The following MAL2 variants were observed in gnomAD, a reference collection of about 807,000 sequenced individuals.
MAL2 encodes mal, T cell differentiation protein 2.
MAL2 carries 17 observed loss-of-function variants against 18.1 expected under a neutral mutation model. The observed-to-expected ratio is 0.94, with a 90% CI of 0.64 to 1.41. The LOEUF (loss-of-function observed/expected upper bound fraction) is 1.41, where lower values mean the gene tolerates loss of function less well. Among genes scored for constraint, MAL2 ranks in the 40% most tolerant of loss-of-function variants. The pLI, the probability that MAL2 is intolerant of heterozygous loss-of-function variation, is 0.00. For synonymous variants in MAL2, 102 were observed against 102.3 expected, an observed-to-expected ratio of 1.00 and a Z score of 0.02; for missense variants, 222 against 231.9, an observed-to-expected ratio of 0.96 and a Z score of 0.28.
Position 119,239,577 on chromosome 8 carries a change from A to T in MAL2, c.304-588A>T, listed in dbSNP as rs904527093. Among the ~76,000 whole-genome samples, 16 of 151,930 alleles carry T rather than the reference A, an allele frequency of 1.1e-4. 1 individual carries two copies. The highest frequency in any genetic ancestry group is 3.4e-4 in the African/African-American group (14 of 41,212). On this transcript the variant is annotated intron_variant, in intron 2 of 3. Coordinates refer to ENST00000614891, the MANE Select transcript of MAL2 (RefSeq NM_052886.3). ...AAATGTGGCACATATACACCATGGAATACTATGCAGCCATAAAAAATGATG... is the reference window on the plus strand; with the variant it reads ...AAATGTGGCACATATACACCATGGATTACTATGCAGCCATAAAAAATGATG...
intron 1 of MAL2, among the ~76,000 whole-genome samples, chr8:119,212,611 G>T (rs926445317): frequency 6.6e-6 from 1 of 152,194 alleles, no homozygotes; most frequent in African/African-American, 2.4e-5. Flanking sequence ...AAGTATTGTG[G>T]AACAGCAGGA....
intron 1 of MAL2, among the ~76,000 whole-genome samples, chr8:119,214,360 A>G (rs1817311428): frequency 6.6e-6 from 1 of 152,228 alleles, no homozygotes; most frequent in African/African-American, 2.4e-5. Flanking sequence ...GAATTTCCTA[A>G]GTGTTCTATT....
chr8:119,234,515 C>G (rs1194728823), intron 2 of MAL2, among the ~76,000 whole-genome samples: 1 of 152,184 alleles, frequency 6.6e-6, no homozygotes, highest in Admixed American at 6.5e-5. Flanking sequence ...AGGGCACAGA[C>G]AAACAAAAAG....
At chr8:119,235,231 G>C (rs201945356) in intron 2 of MAL2, among the ~76,000 whole-genome samples, 44 of 151,974 alleles carry the variant, frequency 2.9e-4, no homozygotes, top group South Asian at 1.7e-3. Context: ...GAAATGAAGC[G>C]AGAAGGGAAG....
intron 2 of MAL2, among the ~76,000 whole-genome samples, chr8:119,238,251 G>C (rs982232262): frequency 2.6e-4 from 39 of 151,044 alleles, no homozygotes; most frequent in African/African-American, 8.7e-4. Context: ...ACCTCTTCAA[G>C]AACTACAAAC....
intron 2 of MAL2, among the ~76,000 whole-genome samples, chr8:119,225,197 G>T (rs1442950444): frequency 1.3e-5 from 2 of 152,206 alleles, no homozygotes; most frequent in East Asian, 3.9e-4. Context: ...GTATACATGT[G>T]CCAGGTTGGT....
rs183175335 is a variant in MAL2, at chr8:119,234,180, G to C, written c.304-5985G>C. ...AGGGGTCAGAGAGTTCCCTTTCCGA[G>C]TCAAAGAAAGGGGTGACGGACGCAC... On this transcript the variant is annotated intron_variant, in intron 2 of 3. Coordinates refer to ENST00000614891, the MANE Select transcript of MAL2 (RefSeq NM_052886.3). Among the ~76,000 whole-genome samples, 507 of 152,322 alleles carry C rather than the reference G, an allele frequency of 3.3e-3. 3 individuals carry two copies. Among genetic ancestry groups the C allele is most frequent in the African/African-American group, 0.011 (465 of 41,570 alleles).
chr8:119,236,304 GT>G (rs1209786238), intron 2 of MAL2, among the ~76,000 whole-genome samples: 3,110 of 145,194 alleles, frequency 0.021, 94 homozygotes, highest in African/African-American at 0.076. Context: ...CAAGTCCTGA[GT>G]GACCTACAAA....
chr8:119,212,187 C>T (rs2129771222), intron 1 of MAL2, among the ~76,000 whole-genome samples: 1 of 152,280 alleles, frequency 6.6e-6, no homozygotes, highest in South Asian at 2.1e-4. Flanking sequence ...TATTTAGGAT[C>T]CCTGCTCTCA....
intron 3 of MAL2, 54 bp from the exon 4 acceptor site, chr8:119,243,361 CTG>C: frequency 7.3e-7 from 1 of 1,366,312 alleles, no homozygotes; most frequent in Non-Finnish European, 1.0e-6. Context: ...CTTTAGGACA[CTG>C]TTTATAAGTC....
chr8:119,229,863 A>G (rs147117306), intron 2 of MAL2, among the ~76,000 whole-genome samples: 1 of 152,284 alleles, frequency 6.6e-6, no homozygotes, highest in East Asian at 1.9e-4. Flanking sequence ...GGCCATAGGT[A>G]CGAACTGAGG....
At chr8:119,211,911 G>C (rs1410696370) in intron 1 of MAL2, among the ~76,000 whole-genome samples, 1 of 152,012 alleles carries the variant, frequency 6.6e-6, no homozygotes, top group Non-Finnish European at 1.5e-5. Flanking sequence ...ACAGTTTTTT[G>C]AGTGAATATT....
intron 1 of MAL2, among the ~76,000 whole-genome samples, chr8:119,219,973 C>A (rs1817437030): frequency 6.6e-6 from 1 of 152,136 alleles, no homozygotes; most frequent in Non-Finnish European, 1.5e-5. Flanking sequence ...AAGTAACAGG[C>A]CACTCTGATG....
At chr8:119,233,164 T>G (rs1817772757) in intron 2 of MAL2, among the ~76,000 whole-genome samples, 1 of 152,222 alleles carries the variant, frequency 6.6e-6, no homozygotes, top group East Asian at 1.9e-4. Context: ...CTGGGACACA[T>G]TCAAAGCAGT....
intron 2 of MAL2, among the ~76,000 whole-genome samples, chr8:119,225,045 A>G (rs1255555435): frequency 6.6e-6 from 1 of 151,872 alleles, no homozygotes; most frequent in Non-Finnish European, 1.5e-5. Context: ...GGATCCCCCT[A>G]TAGACGATGC....
At chr8:119,227,522 G>A (rs1817620812) in intron 2 of MAL2, among the ~76,000 whole-genome samples, 1 of 152,164 alleles carries the variant, frequency 6.6e-6, no homozygotes, top group Admixed American at 6.5e-5. Flanking sequence ...GCTGTCATTA[G>A]TGGGGTTGGG....
At chr8:119,221,547 A>G (rs775551091) in intron 1 of MAL2, 40 bp from the exon 2 acceptor site, 4 of 1,608,356 alleles carry the variant, frequency 2.5e-6, no homozygotes, top group East Asian at 2.2e-5. Context: ...TGTGAAAGGT[A>G]TCTTTTAAGC....
At chr8:119,234,260 AAAC>A (rs1198220254) in intron 2 of MAL2, among the ~76,000 whole-genome samples, 2 of 152,194 alleles carry the variant, frequency 1.3e-5, no homozygotes, top group Admixed American at 6.5e-5. Flanking sequence ...CCGGCTTAAA[AAAC>A]GGCGCACCAC....
Position 119,244,173 on chromosome 8 carries a change from T to A in MAL2, c.*685T>A, listed in dbSNP as rs1420575842. 6.6e-6 allele frequency: 1 copy of A among 152,208 alleles called. No homozygotes were observed. Among genetic ancestry groups the A allele is most frequent in the East Asian group, 1.9e-4 (1 of 5,194 alleles). 9.4% of individuals were successfully genotyped at this position (152,208 alleles called of 1,614,324 possible). A position where few individuals can be genotyped will look rare whatever the true frequency, so the allele number is the denominator to read the frequency against. ...TAGTTATATATGATCTGCATTTTCT[T>A]GAACTGATCATTGAAAACTTATAAA... is the stretch of plus-strand genomic sequence containing the variant. On this transcript the variant is annotated 3_prime_UTR_variant, in exon 4 of 4. Transcript: ENST00000614891.
Sources: gnomAD v4.1 joint callset for allele counts (sites outside exome capture counted in the v4.1 genomes callset) on GRCh38, gnomAD v4.1.1 for gene constraint, MANE v1.5 for transcripts, NCBI Gene and HGNC (gene_info 2026-07-23, HGNC 2026-07-21) for gene names.